ASZ1: variants seen among roughly 807,000 people sequenced by gnomAD.
The protein encoded by ASZ1 is ankyrin repeat, SAM and basic leucine zipper domain-containing protein 1.
In ASZ1, 67 loss-of-function variants were observed where a neutral mutation model predicts 61.8. The observed-to-expected ratio is 1.08, with a 90% CI of 0.89 to 1.33. ASZ1 has a LOEUF of 1.33. ASZ1 is among the 40% of genes most tolerant of loss of function. The probability of loss-of-function intolerance (pLI) is 0.00; values close to 1 mark genes in which losing one functional copy is unlikely to be tolerated. For synonymous variants in ASZ1, 193 were observed against 192.7 expected (o/e 1.00, Z -0.01); for missense variants, 577 against 554.5 (o/e 1.04, Z -0.41).
chr7:117,414,269 T>C (rs1305966056), intron 4 of ASZ1, among the ~76,000 whole-genome samples: 1 of 152,150 alleles, frequency 6.6e-6, no homozygotes, highest in African/African-American at 2.4e-5. Context: ...AGAAGCCACT[T>C]TCAAGATGAA....
chr7:117,404,718 C>A (rs944666454), intron 4 of ASZ1, among the ~76,000 whole-genome samples: 2 of 152,084 alleles, frequency 1.3e-5, no homozygotes. Context: ...TCATAGTCTG[C>A]CATTGCAAAG....
At position 117,427,469 on chromosome 7, in the gene ASZ1, A is replaced by G; in HGVS notation, c.-9T>C. On this transcript the variant is annotated 5_prime_UTR_variant, in exon 1 of 13. Coordinates refer to ENST00000284629, the MANE Select transcript of ASZ1 (RefSeq NM_130768.3). ...AGCGCGCTCGCCGCCATGCCAGCCAAGGAAGCTCCCTGTCGGCACCGCGCG... is the reference window on the plus strand; with the variant it reads ...AGCGCGCTCGCCGCCATGCCAGCCAGGGAAGCTCCCTGTCGGCACCGCGCG... The G allele has an allele frequency of 6.2e-7, 1 of 1,613,638 alleles. No individual in the cohort carries two copies. Among genetic ancestry groups the G allele is most frequent in the Non-Finnish European group, 8.5e-7 (1 of 1,179,732 alleles).
At chr7:117,412,940 T>C (rs1306916694) in intron 4 of ASZ1, among the ~76,000 whole-genome samples, 1 of 151,794 alleles carries the variant, frequency 6.6e-6, no homozygotes, top group Non-Finnish European at 1.5e-5. Flanking sequence ...CTATGTCAAG[T>C]TTCAATTCAT....
chr7:117,383,026 A>G lies in ASZ1; in HGVS notation c.772T>C (p.Leu258=). ...TTTTCTCTATCAGAATCTGTTGTCA[A>G]TATTTTACAAATAGTGTCTTCTTTA... The part of the protein sequence containing the change: ...LTKEDTICKI[L]TTDSDREKDH... Residue 258 remains leucine, a synonymous_variant, in exon 7 of 13, where the codon TTG becomes CTG. Coordinates refer to ENST00000284629, the MANE Select transcript of ASZ1 (RefSeq NM_130768.3). 6.3e-7 allele frequency: 1 copy of G among 1,590,764 alleles called. No homozygotes were observed. The highest frequency in any genetic ancestry group is 8.5e-7 in the Non-Finnish European group (1 of 1,170,452).
chr7:117,419,911 A>G (rs117096101), intron 4 of ASZ1, among the ~76,000 whole-genome samples: 2 of 152,224 alleles, frequency 1.3e-5, no homozygotes, highest in South Asian at 2.1e-4. Context: ...AAAAGATACT[A>G]TAGTTTATTG....
At chr7:117,415,282 G>A (rs1796968658) in intron 4 of ASZ1, among the ~76,000 whole-genome samples, 1 of 152,172 alleles carries the variant, frequency 6.6e-6, no homozygotes, top group African/African-American at 2.4e-5. Flanking sequence ...CTTTTGAATT[G>A]CACACTGTCC....
At chr7:117,368,421 A>T in intron 11 of ASZ1, 191 bp downstream of exon 11, 1 of 1,255,314 alleles carries the variant, frequency 8.0e-7, no homozygotes, top group Non-Finnish European at 1.0e-6. Context: ...GAAGGCAAGA[A>T]TACAAAGTTT....
intron 10 of ASZ1, among the ~76,000 whole-genome samples, chr7:117,371,869 T>C (rs1234495845): frequency 6.6e-6 from 1 of 152,186 alleles, no homozygotes; most frequent in Admixed American, 6.6e-5. Flanking sequence ...CAAATATATA[T>C]GCGGAATATA....
chr7:117,372,036 A>C (rs1254576124), intron 10 of ASZ1, among the ~76,000 whole-genome samples: 1 of 152,194 alleles, frequency 6.6e-6, no homozygotes, highest in Non-Finnish European at 1.5e-5. Context: ...CAAATTGTAC[A>C]AAACAAAACT....
chr7:117,366,923 T>C (rs1323280170), intron 12 of ASZ1, among the ~76,000 whole-genome samples: 2 of 152,196 alleles, frequency 1.3e-5, no homozygotes, highest in African/African-American at 4.8e-5. Context: ...ACAATTGGTA[T>C]AGCATAATTT....
At position 117,427,005 on chromosome 7, in the gene ASZ1, A is replaced by T; in HGVS notation, c.106-70T>A. The T allele has an allele frequency of 2.1e-6, 3 of 1,432,576 alleles. No homozygotes were observed. The South Asian group carries it at 4.1e-5, about 20-fold the overall frequency. The allele number at this position is 1,432,576 out of a possible 1,614,324, so 88.7% of individuals were successfully genotyped here. A position where few individuals can be genotyped will look rare whatever the true frequency, so the allele number is the denominator to read the frequency against. The stretch of plus-strand genomic sequence containing the variant: ...TGTTTCCACCTCATCAGGAAACAAT[A>T]ATGTTTGGTTAAGTACACAGGTTTT... On this transcript the variant is annotated intron_variant, in intron 1 of 12. Coordinates refer to ENST00000284629, the MANE Select transcript of ASZ1 (RefSeq NM_130768.3).
At chr7:117,372,914 A>G (rs1796073879) in intron 10 of ASZ1, among the ~76,000 whole-genome samples, 1 of 152,188 alleles carries the variant, frequency 6.6e-6, no homozygotes, top group Non-Finnish European at 1.5e-5. Flanking sequence ...TTAATGATGA[A>G]AAAATAATTA....
intron 12 of ASZ1, 22 bp from the exon 13 acceptor site, chr7:117,363,770 GA>G: frequency 6.5e-7 from 1 of 1,533,274 alleles, no homozygotes; most frequent in South Asian, 1.2e-5. Context: ...TATGGAAAAA[GA>G]AAAGAGGAGT....
rs1397749530 is a variant in ASZ1, at chr7:117,384,770, C to T, written c.643G>A (p.Gly215Arg). ...GANKMLQTKDGKMPSEIAKRN... is the reference protein window; with the variant it reads ...GANKMLQTKDRKMPSEIAKRN... The stretch of plus-strand genomic sequence containing the variant: ...TTTGCAATCTCACTTGGCATCTTTC[C>T]ATCTTTGGTTTGTAGCATTTTATTA... The change falls in exon 6 of 13, where the codon GGA becomes AGA. Residue 215 changes from glycine to arginine, a missense_variant. Transcript: ENST00000284629. 1 of 1,611,914 alleles carries T rather than the reference C, an allele frequency of 6.2e-7. No homozygotes were observed. The highest frequency in any genetic ancestry group is 2.2e-5 in the East Asian group (1 of 44,602).
At chr7:117,368,808 A>C (rs1795993957) in intron 10 of ASZ1, 91 bp from the exon 11 acceptor site, 1 of 1,571,722 alleles carries the variant, frequency 6.4e-7, no homozygotes, top group Admixed American at 2.0e-5. Context: ...ATCTAGTCAT[A>C]AAATTAGATT....
chr7:117,365,700 T>C (rs1323667592), intron 12 of ASZ1, among the ~76,000 whole-genome samples: 1 of 152,226 alleles, frequency 6.6e-6, no homozygotes, highest in East Asian at 1.9e-4. Context: ...CTTTGATTCT[T>C]CTAGATGAGA....
intron 4 of ASZ1, among the ~76,000 whole-genome samples, chr7:117,408,785 C>A (rs1796839337): frequency 6.6e-6 from 1 of 151,886 alleles, no homozygotes; most frequent in African/African-American, 2.4e-5. Context: ...TAGTAAACAG[C>A]ACTAATGCAG....
intron 4 of ASZ1, among the ~76,000 whole-genome samples, chr7:117,400,127 A>G (rs1298632382): frequency 6.6e-6 from 1 of 152,196 alleles, no homozygotes; most frequent in Non-Finnish European, 1.5e-5. Flanking sequence ...TCTTCATGTC[A>G]TATTTTTGCA....
intron 4 of ASZ1, among the ~76,000 whole-genome samples, chr7:117,418,351 A>G (rs1249425230): frequency 6.6e-6 from 1 of 152,196 alleles, no homozygotes; most frequent in Non-Finnish European, 1.5e-5. Context: ...ATGACAGGAT[A>G]AAAGTTTCGT....
Sources: allele counts gnomAD v4.1 joint callset (sites outside exome capture counted in the v4.1 genomes callset), GRCh38; gene constraint gnomAD v4.1.1; transcripts MANE v1.5; gene names NCBI Gene and HGNC (gene_info 2026-07-23, HGNC 2026-07-21).